Variants in BCAR3 observed in about 807,000 individuals in gnomAD.
BCAR3 encodes the protein breast cancer anti-estrogen resistance protein 3.
In BCAR3, 37 loss-of-function variants were observed where a neutral mutation model predicts 80.1. The observed-to-expected ratio is 0.46, with a 90% CI of 0.36 to 0.61. The LOEUF (loss-of-function observed/expected upper bound fraction) is 0.61, where lower values mean the gene tolerates loss of function less well. Ranked by LOEUF, BCAR3 falls within the 20% of genes least tolerant of loss-of-function variation. BCAR3 has a pLI of 0.00. For synonymous variants in BCAR3, 389 were observed against 418.9 expected (o/e 0.93, Z 0.87); for missense variants, 978 against 1,068.2 (o/e 0.92, Z 1.18).
chr1:93,721,660 C>T (rs573967077), intron 2 of BCAR3, among the ~76,000 whole-genome samples: 65 of 152,362 alleles, frequency 4.3e-4, no homozygotes, highest in Non-Finnish European at 7.8e-4. Context: ...AACGACCCCT[C>T]ACCAAGCCCA....
At chr1:93,786,809 C>G (rs1320245906) in intron 2 of BCAR3, among the ~76,000 whole-genome samples, 1 of 152,200 alleles carries the variant, frequency 6.6e-6, no homozygotes, top group Non-Finnish European at 1.5e-5. Flanking sequence ...AACCTGACAT[C>G]AGGCTGAGGA....
At chr1:93,571,981 G>A (rs1673238036) in intron 8 of BCAR3, 140 bp from the exon 9 acceptor site, 4 of 1,034,420 alleles carry the variant, frequency 3.9e-6, no homozygotes, top group Non-Finnish European at 5.5e-6. Flanking sequence ...AGTTTAGACG[G>A]CCAATCTCAA....
intron 7 of BCAR3, among the ~76,000 whole-genome samples, chr1:93,578,247 C>A (rs1049870852): frequency 6.6e-6 from 1 of 152,138 alleles, no homozygotes; most frequent in South Asian, 2.1e-4. Context: ...CTCCCAGCCG[C>A]AAGGGCCTTT....
intron 3 of BCAR3, among the ~76,000 whole-genome samples, chr1:93,627,456 C>CGAGG (rs1166111923): frequency 6.6e-6 from 1 of 152,174 alleles, no homozygotes; most frequent in Non-Finnish European, 1.5e-5. Flanking sequence ...AATACTCCTC[C>CGAGG]CTTTCTGAAC....
intron 3 of BCAR3, among the ~76,000 whole-genome samples, chr1:93,606,045 G>A (rs188273888): frequency 3.0e-4 from 45 of 152,296 alleles, no homozygotes; most frequent in Admixed American, 2.3e-3. Flanking sequence ...TGCTAAGTAC[G>A]CAGCAGGCTT....
intron 1 of BCAR3, among the ~76,000 whole-genome samples, chr1:93,675,885 C>T (rs1648454280): frequency 8.7e-6 from 1 of 114,748 alleles, no homozygotes; most frequent in Admixed American, 1.2e-4. Context: ...TTATATAATA[C>T]ATTTTTAAGG....
At chr1:93,669,548 C>G (rs1327800501) in intron 2 of BCAR3, among the ~76,000 whole-genome samples, 1 of 152,186 alleles carries the variant, frequency 6.6e-6, no homozygotes, top group East Asian at 1.9e-4. Flanking sequence ...ATTGTCCTAC[C>G]ACATGCTCCC....
intron 2 of BCAR3, among the ~76,000 whole-genome samples, chr1:93,642,969 T>C (rs181909596): frequency 6.6e-6 from 1 of 152,344 alleles, no homozygotes; most frequent in East Asian, 1.9e-4. Flanking sequence ...GGCTCATGCC[T>C]GTAATCCCAG....
At chr1:93,577,246 C>T (rs755278345) in intron 7 of BCAR3, among the ~76,000 whole-genome samples, 33 of 145,258 alleles carry the variant, frequency 2.3e-4, no homozygotes, top group Non-Finnish European at 4.3e-4. Flanking sequence ...ACAAGTCTAG[C>T]CACCTGAACA....
chr1:93,729,750 T>C (rs931817321), intron 2 of BCAR3, among the ~76,000 whole-genome samples: 1 of 152,210 alleles, frequency 6.6e-6, no homozygotes, highest in African/African-American at 2.4e-5. Flanking sequence ...GTCTGGGATG[T>C]CCTGGCTGTG....
upstream of BCAR3, among the ~76,000 whole-genome samples, chr1:93,682,231 C>G (rs545200737): frequency 6.6e-6 from 1 of 152,298 alleles, no homozygotes; most frequent in African/African-American, 2.4e-5. Context: ...ACAGGCAAAT[C>G]AATTGCACTC....
intron 7 of BCAR3, among the ~76,000 whole-genome samples, chr1:93,576,553 C>T (rs1202939901): frequency 3.3e-5 from 5 of 152,224 alleles, no homozygotes; most frequent in African/African-American, 7.2e-5. Flanking sequence ...AGAGCCTCTC[C>T]GCTGTGGGCT....
At chr1:93,603,120 G>A (rs1674672809) in intron 3 of BCAR3, among the ~76,000 whole-genome samples, 1 of 152,238 alleles carries the variant, frequency 6.6e-6, no homozygotes, top group Non-Finnish European at 1.5e-5. Context: ...TAAAGCCAAA[G>A]CATTTACTTA....
Position 93,582,449 on chromosome 1 carries a change from G to A in BCAR3, c.1538C>T (p.Ser513Phe), listed in dbSNP as rs561393483. 3.1e-6 allele frequency: 5 copies of A among 1,614,188 alleles called. No individual in the cohort carries two copies. In the South Asian group the frequency reaches 5.5e-5, roughly 18 times the overall value. ...CTCAAACTCGTTGGGCCTGAAGGAGGAGACAGTCTCCAGGAGGGGCGTCAC... is the reference window on the plus strand; with the variant it reads ...CTCAAACTCGTTGGGCCTGAAGGAGAAGACAGTCTCCAGGAGGGGCGTCAC... ...EFVTPLLETV[S>F]SFRPNEFESK... Residue 513 changes from serine (S) to phenylalanine (F), a missense_variant, in exon 7 of 12, where the codon TCC (serine) becomes TTC (phenylalanine). Transcript: ENST00000260502.
intron 2 of BCAR3, among the ~76,000 whole-genome samples, chr1:93,780,924 A>G (rs1652741067): frequency 6.6e-6 from 1 of 152,240 alleles, no homozygotes; most frequent in Non-Finnish European, 1.5e-5. Context: ...TGATTCTGCA[A>G]TGATTTGGCT....
intron 2 of BCAR3, among the ~76,000 whole-genome samples, chr1:93,729,014 G>A (rs1324445195): frequency 6.6e-6 from 1 of 152,116 alleles, no homozygotes; most frequent in Admixed American, 6.5e-5. Context: ...AAAGGACCAT[G>A]CTCTTCCTTT....
At chr1:93,832,040 G>A (rs960504341) in intron 2 of BCAR3, among the ~76,000 whole-genome samples, 20 of 152,134 alleles carry the variant, frequency 1.3e-4, no homozygotes, top group Admixed American at 2.0e-4. Flanking sequence ...GGGCCAGAAG[G>A]CCATCTTATT....
At chr1:93,656,805 T>C (rs989431837) in intron 2 of BCAR3, among the ~76,000 whole-genome samples, 2 of 152,146 alleles carry the variant, frequency 1.3e-5, no homozygotes, top group Non-Finnish European at 2.9e-5. Flanking sequence ...GGTCTCGCTA[T>C]GTTGAGCCTC....
chr1:93,585,664 C>G (rs916337782), intron 5 of BCAR3, among the ~76,000 whole-genome samples: 8 of 152,278 alleles, frequency 5.3e-5, no homozygotes, highest in African/African-American at 1.7e-4. Flanking sequence ...TAAGGCATCT[C>G]AAGTCCAATC....
Sources: allele counts gnomAD v4.1 joint callset (sites outside exome capture counted in the v4.1 genomes callset), GRCh38; gene constraint gnomAD v4.1.1; transcripts MANE v1.5; gene names NCBI Gene and HGNC (gene_info 2026-07-23, HGNC 2026-07-21).